Variants in EDIL3 observed in about 807,000 individuals in gnomAD.
EDIL3 encodes the protein EGF like and discoidin domains 3, also known as EGF-like repeat and discoidin I-like domain-containing protein 3.
A neutral mutation model predicts 67.4 loss-of-function variants in EDIL3; 37 were observed. The ratio of observed to expected loss-of-function variants is 0.55; its 90% confidence interval spans 0.42 to 0.72. The LOEUF is 0.72. EDIL3 is among the 30% of genes least tolerant of loss of function. EDIL3 has a pLI of 0.00. For synonymous variants in EDIL3, 195 were observed against 196.3 expected (o/e 0.99, Z 0.05); for missense variants, 527 against 586.3 (o/e 0.90, Z 1.04).
intron 1 of EDIL3, among the ~76,000 whole-genome samples, chr5:84,266,570 G>C (rs1745352853): frequency 6.6e-6 from 1 of 152,178 alleles, no homozygotes; most frequent in Non-Finnish European, 1.5e-5. Context: ...TCCTATCCCA[G>C]GTCCCATGTA....
intron 1 of EDIL3, among the ~76,000 whole-genome samples, chr5:84,299,936 A>C (rs1746123457): frequency 6.6e-6 from 1 of 152,224 alleles, no homozygotes; most frequent in African/African-American, 2.4e-5. Flanking sequence ...TTACCACATA[A>C]AATATGTATA....
At chr5:83,944,099 C>T (rs1206376285) in intron 10 of EDIL3, among the ~76,000 whole-genome samples, 1 of 152,010 alleles carries the variant, frequency 6.6e-6, no homozygotes, top group African/African-American at 2.4e-5. Flanking sequence ...AATTATATGA[C>T]TCCAGCCTAA....
At chr5:84,148,387 A>G (rs965695447) in intron 4 of EDIL3, among the ~76,000 whole-genome samples, 11 of 152,196 alleles carry the variant, frequency 7.2e-5, no homozygotes, top group African/African-American at 2.7e-4. Context: ...ATTGCAAAGC[A>G]TGTGGAAACT....
At chr5:84,109,075 T>C (rs969610507) in intron 5 of EDIL3, among the ~76,000 whole-genome samples, 1 of 152,190 alleles carries the variant, frequency 6.6e-6, no homozygotes, top group Non-Finnish European at 1.5e-5. Flanking sequence ...GGAAACTCAT[T>C]GACTTTGAAC....
In EDIL3 at chr5:84,064,729, C is replaced by G; in HGVS notation, c.923G>C (p.Arg308Pro). The part of the protein sequence containing the change: ...PQVCRRHCTL[R>P]MELLGCELSG... Reference sequence around the variant, plus strand: ...CAGTTCACAGCCAAGAAGTTCCATTCGCAAAGTGCAATGTCTTCGACAAAC... The same window carrying G: ...CAGTTCACAGCCAAGAAGTTCCATTGGCAAAGTGCAATGTCTTCGACAAAC... Residue 308 changes from arginine (R) to proline (P), a missense_variant, in exon 8 of 11, where the codon CGA becomes CCA. Physicochemically the swap from Arg to Pro is moderately radical, Grantham distance 103. This residue lies in a region of EDIL3 where 494 missense variants were observed against 522.5 expected (regional missense o/e 0.95). Coordinates refer to ENST00000296591, the MANE Select transcript of EDIL3 (RefSeq NM_005711.5). The G allele has an allele frequency of 6.2e-7, 1 of 1,612,896 alleles. No homozygotes were observed.
chr5:84,169,101 G>C lies in EDIL3; in HGVS notation c.355+11292C>G, dbSNP rs930528053. ...CATCTCTGCTTGTTACTTGGTAGGA[G>C]CAAGCTTCTTTGGCTAAGCTCTAAA... is the stretch of plus-strand genomic sequence containing the variant. On this transcript the variant is annotated intron_variant, in intron 4 of 10. Coordinates refer to ENST00000296591, the MANE Select transcript of EDIL3 (RefSeq NM_005711.5). Among the ~76,000 whole-genome samples the C allele has an allele frequency of 5.3e-5, 8 of 151,886 alleles. No individual in the cohort carries two copies. In the South Asian group the frequency reaches 1.7e-3, roughly 32 times the overall value.
chr5:84,059,122 C>G (rs536426143), intron 9 of EDIL3, among the ~76,000 whole-genome samples: 1 of 151,960 alleles, frequency 6.6e-6, no homozygotes, highest in South Asian at 2.1e-4. Context: ...AAAAAGAAGC[C>G]TGATGTGGGG....
intron 2 of EDIL3, among the ~76,000 whole-genome samples, chr5:84,241,031 C>A (rs1744783648): frequency 6.6e-6 from 1 of 152,180 alleles, no homozygotes; most frequent in Non-Finnish European, 1.5e-5. Context: ...CTCACAAAAG[C>A]CACCACAACC....
intron 3 of EDIL3, among the ~76,000 whole-genome samples, chr5:84,181,575 C>T (rs1749013594): frequency 6.6e-6 from 1 of 152,168 alleles, no homozygotes; most frequent in Admixed American, 6.5e-5. Context: ...GGTCTGTAGG[C>T]TCATCCTATC....
In EDIL3 at chr5:83,943,313, G is replaced by GAAA. The variant is rs146077789; in HGVS notation, c.*103_*105dup. The GAAA allele has an allele frequency of 1.4e-3, 1,780 of 1,275,770 alleles. No homozygotes were observed. Among genetic ancestry groups the GAAA allele is most frequent in the Middle Eastern group, 2.1e-3 (9 of 4,208 alleles). 79.0% of individuals were successfully genotyped at this position (1,275,770 alleles called of 1,614,324 possible). A position where few individuals can be genotyped will look rare whatever the true frequency, so the allele number is the denominator to read the frequency against. On this transcript the variant is annotated 3_prime_UTR_variant, in exon 11 of 11. Coordinates refer to ENST00000296591, the MANE Select transcript of EDIL3 (RefSeq NM_005711.5). ...TACCATAATTTGAGCACTTTTTCAT[G>GAAA]AAAAAAAAAAAAAAACCATTCAGTT...
chr5:84,346,214 G>C (rs1339563643), intron 1 of EDIL3, among the ~76,000 whole-genome samples: 2 of 145,372 alleles, frequency 1.4e-5, no homozygotes, highest in African/African-American at 5.1e-5. Context: ...TGCGATCTTG[G>C]CTCACTGCAA....
intron 1 of EDIL3, among the ~76,000 whole-genome samples, chr5:84,342,230 T>C (rs1201870481): frequency 1.3e-5 from 2 of 152,100 alleles, no homozygotes; most frequent in African/African-American, 2.4e-5. Context: ...TTGGAAGCCA[T>C]TATTTTAAAT....
At chr5:84,013,316 T>C (rs1181448789) in intron 9 of EDIL3, among the ~76,000 whole-genome samples, 1 of 152,130 alleles carries the variant, frequency 6.6e-6, no homozygotes. Flanking sequence ...CTTACAAAAG[T>C]GCTATTTTAT....
At position 84,180,377 on chromosome 5, in the gene EDIL3, A is replaced by G. The variant is rs1225583629; in HGVS notation, c.355+16T>C. ...AATCAATAATAATAAAAGTACAATG[A>G]CTATGAATAACTTACTGTGCTGACA... On this transcript the variant is annotated intron_variant, in intron 4 of 10. Coordinates refer to ENST00000296591, the MANE Select transcript of EDIL3 (RefSeq NM_005711.5). 4 of 1,572,862 alleles carry G rather than the reference A, an allele frequency of 2.5e-6. No homozygotes were observed. The highest frequency in any genetic ancestry group is 3.9e-5 in the Admixed American group (2 of 51,392).
chr5:84,255,252 C>T (rs1310802999), intron 1 of EDIL3, among the ~76,000 whole-genome samples: 1 of 152,174 alleles, frequency 6.6e-6, no homozygotes, highest in African/African-American at 2.4e-5. Flanking sequence ...CATGGCCCAA[C>T]ATAAATATCA....
At chr5:84,112,780 A>C (rs1011826119) in intron 5 of EDIL3, among the ~76,000 whole-genome samples, 1 of 152,188 alleles carries the variant, frequency 6.6e-6, no homozygotes, top group Admixed American at 6.5e-5. Flanking sequence ...TATATTCCTC[A>C]CAGTATCTAG....
chr5:84,001,055 A>G (rs1745322220), intron 9 of EDIL3, among the ~76,000 whole-genome samples: 1 of 151,900 alleles, frequency 6.6e-6, no homozygotes, highest in African/African-American at 2.4e-5. Flanking sequence ...TTTTATTTTT[A>G]TTTATTTATT....
chr5:83,978,578 T>C (rs536889364), intron 9 of EDIL3, among the ~76,000 whole-genome samples: 1 of 152,068 alleles, frequency 6.6e-6, no homozygotes, highest in South Asian at 2.1e-4. Context: ...GGTGAGGTAC[T>C]ATTGCCGCCT....
intron 2 of EDIL3, among the ~76,000 whole-genome samples, chr5:84,249,380 TA>T (rs1480342393): frequency 3.6e-3 from 49 of 13,666 alleles, no homozygotes; most frequent in African/African-American, 9.8e-3. Flanking sequence ...CATATCTTTC[TA>T]TCTATCTATC....
Sources: allele counts gnomAD v4.1 joint callset (sites outside exome capture counted in the v4.1 genomes callset), GRCh38; gene constraint gnomAD v4.1.1; regional missense constraint gnomAD v4.1.1; transcripts MANE v1.5; gene names NCBI Gene and HGNC (gene_info 2026-07-23, HGNC 2026-07-21).